PCBP3: variants seen among roughly 807,000 people sequenced by gnomAD.
PCBP3 encodes poly(rC)-binding protein 3.
PCBP3 carries 25 observed loss-of-function variants against 52.7 expected under a neutral mutation model. The observed-to-expected ratio is 0.47, with a 90% confidence interval of 0.35 to 0.66. The LOEUF is 0.66. PCBP3 is among the 30% of genes least tolerant of loss of function. The pLI, the probability that PCBP3 is intolerant of heterozygous loss-of-function variation, is 0.01. For missense variants in PCBP3, 391 were observed against 490.3 expected (o/e 0.80, Z 1.91); for synonymous variants, 162 against 183.0 (o/e 0.89, Z 0.93).
chr21:45,852,366 TC>T (rs2094051482), intron 5 of PCBP3, among the ~76,000 whole-genome samples: 1 of 146,404 alleles, frequency 6.8e-6, no homozygotes, highest in Non-Finnish European at 1.5e-5. Flanking sequence ...TGACTTTTGT[TC>T]AGAAGGAACA....
At position 45,805,609 on chromosome 21, in the gene PCBP3, T is replaced by G. The variant is rs560754120; in HGVS notation, c.-125-44352T>G. Among the ~76,000 whole-genome samples the G allele has an allele frequency of 1.3e-5, 2 of 152,208 alleles. No individual in the cohort carries two copies. The highest frequency in any genetic ancestry group is 2.4e-5 in the African/African-American group (1 of 41,444). The stretch of plus-strand genomic sequence containing the variant: ...AGCTAGGGGACCTTGAAGATAATGC[T>G]TCCTGTCTGCTTTTGTGTCAACAGT... On this transcript the variant is annotated intron_variant, in intron 4 of 17. Transcript: ENST00000681687. This position sits in a 1 kb window ranked among gnomAD's most constrained non-coding sequence, Gnocchi z 4.6.
intron 2 of PCBP3, among the ~76,000 whole-genome samples, chr21:45,712,164 G>A (rs2083883292): frequency 6.6e-6 from 1 of 152,132 alleles, no homozygotes; most frequent in South Asian, 2.1e-4. Flanking sequence ...AAGATGTCTT[G>A]GTTGCTTCCA....
intron 13 of PCBP3, among the ~76,000 whole-genome samples, chr21:45,926,621 C>T (rs901883635): frequency 2.0e-5 from 3 of 152,122 alleles, no homozygotes; most frequent in Admixed American, 6.5e-5. Context: ...GAGCTGCCCA[C>T]GAGAGCCTGG....
intron 9 of PCBP3, 82 bp downstream of exon 9, chr21:45,901,195 A>T: frequency 2.1e-6 from 2 of 961,834 alleles, no homozygotes; most frequent in Non-Finnish European, 3.3e-6. Context: ...TCTCCCCTAC[A>T]CCTGGACTAG....
At chr21:45,732,619 G>A (rs756236627) in intron 2 of PCBP3, 17 of 151,798 alleles carry the variant, frequency 1.1e-4, no homozygotes, top group Non-Finnish European at 2.4e-4. Context: ...CTATGTATGG[G>A]CTTAAATTTT....
chr21:45,912,605 A>T (rs1471371562), intron 11 of PCBP3, among the ~76,000 whole-genome samples: 4 of 151,946 alleles, frequency 2.6e-5, no homozygotes, highest in Admixed American at 6.5e-5. Flanking sequence ...AGCACCCTGT[A>T]CCCAGTGCAG....
chr21:45,700,889 T>C (rs1215079122), intron 2 of PCBP3, among the ~76,000 whole-genome samples: 1 of 152,104 alleles, frequency 6.6e-6, no homozygotes, highest in African/African-American at 2.4e-5. Context: ...GAGCTTGTCC[T>C]ACCAACATTT....
At chr21:45,649,886 T>A (rs7275801) in intron 1 of PCBP3, among the ~76,000 whole-genome samples, 1,746 of 152,240 alleles carry the variant, frequency 0.011, 50 homozygotes, top group African/African-American at 0.039. Flanking sequence ...TGAATAGATT[T>A]TGAATTTTCT....
At chr21:45,804,100 G>A (rs997042034) in intron 4 of PCBP3, among the ~76,000 whole-genome samples, 5 of 152,150 alleles carry the variant, frequency 3.3e-5, no homozygotes, top group African/African-American at 1.2e-4. Flanking sequence ...GCCCACAGGT[G>A]CCCACTGCCT....
intron 5 of PCBP3, among the ~76,000 whole-genome samples, chr21:45,860,815 T>C (rs1467328236): frequency 6.6e-6 from 1 of 152,196 alleles, no homozygotes; most frequent in Non-Finnish European, 1.5e-5. Flanking sequence ...AGCGTGGCCC[T>C]GGGAGCAGGA....
chr21:45,790,978 G>C (rs1434657301), intron 4 of PCBP3, among the ~76,000 whole-genome samples: 1 of 151,800 alleles, frequency 6.6e-6, no homozygotes, highest in African/African-American at 2.4e-5. Context: ...TTCTGTGTAG[G>C]TCACAGCAAC....
chr21:45,667,776 A>G (rs564552456), intron 1 of PCBP3, among the ~76,000 whole-genome samples: 57 of 152,204 alleles, frequency 3.7e-4, no homozygotes, highest in African/African-American at 1.3e-3. Flanking sequence ...TAAATAATAT[A>G]ATGTGGCAAC....
chr21:45,793,243 C>T (rs1313713136), intron 4 of PCBP3, among the ~76,000 whole-genome samples: 1 of 152,166 alleles, frequency 6.6e-6, no homozygotes, highest in Non-Finnish European at 1.5e-5. Flanking sequence ...GCCAGGAAAG[C>T]AGGACTCACA....
At chr21:45,930,927 C>T (rs1012686378) in intron 15 of PCBP3, 82 bp downstream of exon 15, 64 of 1,577,644 alleles carry the variant, frequency 4.1e-5, no homozygotes, top group Admixed American at 7.1e-5. Flanking sequence ...GGGGCCCTGC[C>T]GCTGCAGCAG....
In PCBP3 at chr21:45,691,598, A is replaced by G. The variant is rs372024113; in HGVS notation, c.-200+22646A>G. On this transcript the variant is annotated intron_variant, in intron 2 of 17. Transcript: ENST00000681687. Reference sequence around the variant, plus strand: ...GAATACAGTGAGTCAGAGCAGGCCAACATTACCAATGGAACAAGTGGATTT... The same window carrying G: ...GAATACAGTGAGTCAGAGCAGGCCAGCATTACCAATGGAACAAGTGGATTT... Among the ~76,000 whole-genome samples the G allele has an allele frequency of 9.4e-4, 143 of 151,906 alleles. 1 individual carries two copies. Among genetic ancestry groups the G allele is most frequent in the African/African-American group, 3.1e-3 (127 of 41,468 alleles).
chr21:45,728,772 T>C (rs541189844), intron 2 of PCBP3: 4 of 152,332 alleles, frequency 2.6e-5, no homozygotes, highest in South Asian at 4.1e-4. Flanking sequence ...ATTATTTAAT[T>C]CTCCTTAAGT....
rs191253327 is a variant in PCBP3 at position 45,667,584 on chromosome 21, T to C, written c.-278-1290T>C. Among the ~76,000 whole-genome samples, 146 of 152,316 alleles carry C rather than the reference T, an allele frequency of 9.6e-4. 3 individuals are homozygous for C. In the East Asian group the frequency reaches 0.014, roughly 14 times the overall value. ...TTGGTGAAACAACACTGCCATTCTT[T>C]AATCCTTTAGACATGGCTTCCTTTA... On this transcript the variant is annotated intron_variant, in intron 1 of 17. Coordinates refer to ENST00000681687, the MANE Select transcript of PCBP3 (RefSeq NM_001384156.1).
chr21:45,764,016 A>C (rs1218235729), intron 4 of PCBP3, among the ~76,000 whole-genome samples: 1 of 152,250 alleles, frequency 6.6e-6, no homozygotes, highest in Non-Finnish European at 1.5e-5. Context: ...CTGCAGAAAA[A>C]AAATAGCTTT....
chr21:45,934,602 C>T (rs2076680625), intron 15 of PCBP3, among the ~76,000 whole-genome samples: 1 of 152,212 alleles, frequency 6.6e-6, no homozygotes, highest in South Asian at 2.1e-4. Flanking sequence ...GGTCTCCTTG[C>T]TCCAAATTGG....
Sources: gnomAD v4.1 joint callset for allele counts (sites outside exome capture counted in the v4.1 genomes callset) on GRCh38, gnomAD v4.1.1 for gene constraint, Gnocchi (gnomAD v3.1) non-coding constraint, MANE v1.5 for transcripts, NCBI Gene and HGNC (gene_info 2026-07-23, HGNC 2026-07-21) for gene names.